The following KCND2 variants were observed in gnomAD, a reference collection of about 807,000 sequenced individuals.
The protein encoded by KCND2 is A-type voltage-gated potassium channel KCND2.
KCND2 carries 16 observed loss-of-function variants against 54.4 expected under a neutral mutation model. The ratio of observed to expected loss-of-function variants is 0.29; its 90% CI spans 0.20 to 0.45. KCND2 has a LOEUF of 0.45. Ranked by LOEUF, KCND2 falls within the 20% of genes least tolerant of loss-of-function variation. KCND2 has a pLI of 1.00. For synonymous variants in KCND2, 317 were observed against 310.7 expected, an observed-to-expected ratio of 1.02 and a Z score of -0.21; for missense variants, 486 against 824.2, an observed-to-expected ratio of 0.59 and a Z score of 5.02.
intron 1 of KCND2, among the ~76,000 whole-genome samples, chr7:120,484,819 A>C (rs66473061): frequency 0.054 from 8,251 of 152,216 alleles, 758 homozygotes; most frequent in East Asian, 0.45. Context: ...ATTTTATTCA[A>C]CACTAAAAAC....
intron 1 of KCND2, among the ~76,000 whole-genome samples, chr7:120,342,653 ATTAC>A (rs903883706): frequency 4.6e-5 from 7 of 152,152 alleles, no homozygotes; most frequent in African/African-American, 1.4e-4. Context: ...AATTTCTTGT[ATTAC>A]TTTTTAAAAT....
chr7:120,478,789 T>A (rs1802564996), intron 1 of KCND2, among the ~76,000 whole-genome samples: 1 of 152,148 alleles, frequency 6.6e-6, no homozygotes, highest in South Asian at 2.1e-4. Context: ...GACAGGGTCT[T>A]TTATCTCTTT....
chr7:120,508,950 C>CCTCA (rs1265152330), intron 1 of KCND2, among the ~76,000 whole-genome samples: 1 of 149,346 alleles, frequency 6.7e-6, no homozygotes, highest in African/African-American at 2.5e-5. Flanking sequence ...ACTGCTTTGC[C>CCTCA]CTCAGCTGCA....
chr7:120,450,817 C>A (rs67430445), intron 1 of KCND2, among the ~76,000 whole-genome samples: 9,520 of 152,190 alleles, frequency 0.063, 1,037 homozygotes, highest in East Asian at 0.52. Context: ...CAAGAGAGAA[C>A]AATATTAAAG....
At chr7:120,741,047 T>TAA (rs74914740) in intron 2 of KCND2, among the ~76,000 whole-genome samples, 1 of 136,664 alleles carries the variant, frequency 7.3e-6, no homozygotes. Context: ...TAATGATTCT[T>TAA]AAAAAAAAAA....
At chr7:120,287,838 G>A (rs1045957508) in intron 1 of KCND2, among the ~76,000 whole-genome samples, 1 of 152,026 alleles carries the variant, frequency 6.6e-6, no homozygotes, top group Non-Finnish European at 1.5e-5. Flanking sequence ...GTGAAACTAT[G>A]TCCCAACAAC....
intron 1 of KCND2, among the ~76,000 whole-genome samples, chr7:120,338,183 GT>G (rs1480716046): frequency 1.3e-5 from 2 of 151,886 alleles, no homozygotes; most frequent in African/African-American, 4.8e-5. Context: ...ATTCATTTGT[GT>G]CTTAGTGTGG....
chr7:120,484,573 C>G (rs1361728519), intron 1 of KCND2, among the ~76,000 whole-genome samples: 2 of 151,304 alleles, frequency 1.3e-5, no homozygotes, highest in African/African-American at 4.8e-5. Flanking sequence ...AGAAACTTGT[C>G]AAGGTTTTAA....
chr7:120,514,052 A>T (rs1230847934), intron 1 of KCND2, among the ~76,000 whole-genome samples: 1 of 152,116 alleles, frequency 6.6e-6, no homozygotes, highest in Non-Finnish European at 1.5e-5. Flanking sequence ...TGTAGTTTCC[A>T]TTGAGGTCAA....
At chr7:120,397,147 A>C (rs2116067425) in intron 1 of KCND2, among the ~76,000 whole-genome samples, 1 of 152,136 alleles carries the variant, frequency 6.6e-6, no homozygotes, top group South Asian at 2.1e-4. Flanking sequence ...ACTAGGATGA[A>C]AGAGACTATG....
chr7:120,337,539 C>T (rs939662037), intron 1 of KCND2, among the ~76,000 whole-genome samples: 4 of 152,142 alleles, frequency 2.6e-5, no homozygotes, highest in Admixed American at 2.0e-4. Flanking sequence ...TTCTATTTCT[C>T]CATTATCAAA....
chr7:120,479,533 T>G (rs1196081875), intron 1 of KCND2, among the ~76,000 whole-genome samples: 1 of 151,764 alleles, frequency 6.6e-6, no homozygotes, highest in Non-Finnish European at 1.5e-5. Flanking sequence ...TTATCAAACT[T>G]TCAAATCTCT....
intron 1 of KCND2, among the ~76,000 whole-genome samples, chr7:120,330,108 G>A (rs1385180589): frequency 2.0e-5 from 3 of 152,058 alleles, no homozygotes; most frequent in African/African-American, 7.2e-5. Flanking sequence ...CACTACCTGG[G>A]TTGAAAACTC....
intron 1 of KCND2, among the ~76,000 whole-genome samples, chr7:120,618,483 C>T (rs73721435): frequency 0.01 from 1,547 of 152,202 alleles, 25 homozygotes; most frequent in African/African-American, 0.035. Context: ...ACTAACTTTA[C>T]GGTGCCTCTT....
chr7:120,554,419 T>C (rs995875492), intron 1 of KCND2, among the ~76,000 whole-genome samples: 4 of 152,060 alleles, frequency 2.6e-5, no homozygotes, highest in Non-Finnish European at 5.9e-5. Context: ...TTAATTTATT[T>C]TTTTTTTGAG....
chr7:120,634,666 C>T (rs1793281942), intron 1 of KCND2, among the ~76,000 whole-genome samples: 1 of 152,098 alleles, frequency 6.6e-6, no homozygotes, highest in Non-Finnish European at 1.5e-5. Context: ...TTTTCTTGAC[C>T]ATCTCCTTTC....
At chr7:120,355,670 C>A (rs1454657306) in intron 1 of KCND2, among the ~76,000 whole-genome samples, 1 of 152,102 alleles carries the variant, frequency 6.6e-6, no homozygotes, top group East Asian at 1.9e-4. Context: ...GGGAAAAGAT[C>A]AAAATTCAGA....
intron 1 of KCND2, among the ~76,000 whole-genome samples, chr7:120,684,228 A>G (rs1792174014): frequency 6.6e-6 from 1 of 152,110 alleles, no homozygotes; most frequent in Non-Finnish European, 1.5e-5. Context: ...AGAAACAGCA[A>G]GTTCACGTTT....
At chr7:120,305,585 T>G (rs1021958692) in intron 1 of KCND2, among the ~76,000 whole-genome samples, 8 of 152,200 alleles carry the variant, frequency 5.3e-5, no homozygotes, top group Non-Finnish European at 1.0e-4. Context: ...AGCACATTGC[T>G]ATTTGCATTT....
Sources: allele counts gnomAD v4.1 joint callset (sites outside exome capture counted in the v4.1 genomes callset), GRCh38; gene constraint gnomAD v4.1.1; transcripts MANE v1.5; gene names NCBI Gene and HGNC (gene_info 2026-07-23, HGNC 2026-07-21).